MAPK8: variants seen among roughly 807,000 people sequenced by gnomAD.
MAPK8 encodes mitogen-activated protein kinase 8.
Under a neutral mutation model 52.9 loss-of-function variants are expected in MAPK8, and 13 were observed. The observed-to-expected ratio is 0.25, with a 90% CI of 0.16 to 0.39. The LOEUF (loss-of-function observed/expected upper bound fraction) is 0.39. MAPK8 is among the 10% of genes least tolerant of loss of function. The probability of loss-of-function intolerance (pLI) is 1.00; values close to 1 mark genes in which losing one functional copy is unlikely to be tolerated. For synonymous variants in MAPK8, 191 were observed against 169.8 expected (o/e 1.12, Z -0.97); for missense variants, 300 against 519.2 (o/e 0.58, Z 4.10).
intron 1 of MAPK8, among the ~76,000 whole-genome samples, chr10:48,351,189 G>C (rs1846287390): frequency 6.6e-6 from 1 of 151,728 alleles, no homozygotes; most frequent in Non-Finnish European, 1.5e-5. Context: ...TGACCATACT[G>C]CTCTAAGTAA....
intron 1 of MAPK8, among the ~76,000 whole-genome samples, chr10:48,347,132 T>G (rs1845867929): frequency 6.6e-6 from 1 of 152,162 alleles, no homozygotes; most frequent in Admixed American, 6.5e-5. Context: ...CCACCGACCC[T>G]GTGGGGCTGG....
chr10:48,319,329 C>T (rs1396090945), intron 1 of MAPK8, among the ~76,000 whole-genome samples: 1 of 152,024 alleles, frequency 6.6e-6, no homozygotes, highest in Non-Finnish European at 1.5e-5. Flanking sequence ...ATAATGGAGC[C>T]ATCATCACAG....
chr10:48,344,195 GT>G (rs1845556633), intron 1 of MAPK8, among the ~76,000 whole-genome samples: 1 of 152,256 alleles, frequency 6.6e-6, no homozygotes, highest in African/African-American at 2.4e-5. Context: ...AGCAACGATA[GT>G]TGGTCACTTC....
intron 1 of MAPK8, among the ~76,000 whole-genome samples, chr10:48,320,240 T>TTC (rs1842873777): frequency 7.3e-6 from 1 of 137,018 alleles, no homozygotes; most frequent in South Asian, 2.4e-4. Context: ...TTTTTTTTTT[T>TTC]TTTAAATTAG....
intron 1 of MAPK8, among the ~76,000 whole-genome samples, chr10:48,360,644 C>T (rs1847433326): frequency 6.6e-6 from 1 of 152,102 alleles, no homozygotes; most frequent in African/African-American, 2.4e-5. Flanking sequence ...GAACTACAGC[C>T]ACACACACTC....
At chr10:48,401,885 A>G in intron 2 of MAPK8, 103 bp downstream of exon 2, 1 of 988,980 alleles carries the variant, frequency 1.0e-6, no homozygotes, top group Non-Finnish European at 1.4e-6. Flanking sequence ...GCTTTGAAAA[A>G]TTAAATTAAA....
At chr10:48,372,944 A>G (rs1239093172) in intron 1 of MAPK8, among the ~76,000 whole-genome samples, 1 of 152,148 alleles carries the variant, frequency 6.6e-6, no homozygotes, top group Non-Finnish European at 1.5e-5. Context: ...CCAATTCATC[A>G]AGGTTGAAAT....
intron 1 of MAPK8, among the ~76,000 whole-genome samples, chr10:48,355,206 C>G (rs1846758209): frequency 6.6e-6 from 1 of 152,064 alleles, no homozygotes; most frequent in Admixed American, 6.5e-5. Context: ...GTAGTTGAAA[C>G]TTTATTAAAA....
In MAPK8 at chr10:48,310,443, C is replaced by G. The variant is rs1274086576; in HGVS notation, c.-50+3622C>G. On this transcript the variant is annotated intron_variant, in intron 1 of 11. Transcript: ENST00000374189. ...TTCTTTAATATCCAGACTTAGAAAA[C>G]AAATGGAAGGCTTCACCATAAGCTA... is the stretch of plus-strand genomic sequence containing the variant. 2.6e-5 allele frequency among the ~76,000 whole-genome samples: 4 copies of G among 152,088 alleles called. No homozygotes were observed. The East Asian group carries it at 7.7e-4, about 29-fold the overall frequency.
intron 1 of MAPK8, among the ~76,000 whole-genome samples, chr10:48,367,785 T>C (rs1848192387): frequency 6.6e-6 from 1 of 152,190 alleles, no homozygotes; most frequent in Admixed American, 6.5e-5. Context: ...AAAGATACCA[T>C]TTCTTGGCCT....
At chr10:48,398,764 A>G (rs2042014242) in intron 1 of MAPK8, among the ~76,000 whole-genome samples, 1 of 152,216 alleles carries the variant, frequency 6.6e-6, no homozygotes, top group Non-Finnish European at 1.5e-5. Flanking sequence ...ACGCCAAACA[A>G]AAATTACATG....
At position 48,362,175 on chromosome 10, in the gene MAPK8, GT is replaced by G. The variant is rs1203337732; in HGVS notation, c.-49-39432del. 7.2e-5 allele frequency among the ~76,000 whole-genome samples: 11 copies of G among 152,246 alleles called. No homozygotes were observed. In the East Asian group the frequency reaches 2.1e-3, roughly 29 times the overall value. ...GGAATATTTTTCTTTGACAGTTGCT[GT>G]TTTTGCCTCTGTTCTTTCCTCTCAC... On this transcript the variant is annotated intron_variant, in intron 1 of 11. Coordinates refer to ENST00000374189, the MANE Select transcript of MAPK8 (RefSeq NM_001323329.2).
intron 1 of MAPK8, among the ~76,000 whole-genome samples, chr10:48,334,431 A>G (rs1844468266): frequency 6.6e-6 from 1 of 152,138 alleles, no homozygotes; most frequent in Non-Finnish European, 1.5e-5. Context: ...GATACGTCTC[A>G]GTCACACACA....
chr10:48,432,983 C>G (rs928212027), intron 11 of MAPK8, among the ~76,000 whole-genome samples: 2 of 152,136 alleles, frequency 1.3e-5, no homozygotes, highest in South Asian at 2.1e-4. Context: ...ACCATTTCCA[C>G]TTGATTTTTA....
At chr10:48,400,327 T>C (rs1431474873) in intron 1 of MAPK8, among the ~76,000 whole-genome samples, 2 of 152,230 alleles carry the variant, frequency 1.3e-5, no homozygotes, top group African/African-American at 2.4e-5. Context: ...CATTTGTTTC[T>C]AGTTTATTTG....
Position 48,333,604 on chromosome 10 carries a change from C to A in MAPK8, c.-50+26783C>A, listed in dbSNP as rs75861187. The stretch of plus-strand genomic sequence containing the variant: ...TTTAGCTCTTTCACTGCCTGAATTT[C>A]TTCTGAGGACCACTGCAAGTGATCA... On this transcript the variant is annotated intron_variant, in intron 1 of 11. Transcript: ENST00000374189. 2.1e-3 allele frequency among the ~76,000 whole-genome samples: 313 copies of A among 151,794 alleles called. 3 individuals are homozygous for A. The East Asian group carries it at 0.033, about 16-fold the overall frequency.
intron 1 of MAPK8, among the ~76,000 whole-genome samples, chr10:48,344,169 C>A (rs980768937): frequency 6.6e-6 from 1 of 152,168 alleles, no homozygotes; most frequent in Admixed American, 6.5e-5. Flanking sequence ...TATGGGTCCC[C>A]TCTGTAACCA....
At chr10:48,386,868 G>A (rs72794372) in intron 1 of MAPK8, among the ~76,000 whole-genome samples, 14,504 of 152,210 alleles carry the variant, frequency 0.095, 721 homozygotes, top group Non-Finnish European at 0.11. Flanking sequence ...TGGCTGTAAA[G>A]TCTTGAGATC....
intron 1 of MAPK8, among the ~76,000 whole-genome samples, chr10:48,385,145 C>T (rs1477430754): frequency 6.6e-6 from 1 of 152,134 alleles, no homozygotes; most frequent in Non-Finnish European, 1.5e-5. Context: ...TAGTCTAGAG[C>T]TTCCATAGCA....
Sources: gnomAD v4.1 joint callset for allele counts (sites outside exome capture counted in the v4.1 genomes callset) on GRCh38, gnomAD v4.1.1 for gene constraint, MANE v1.5 for transcripts, NCBI Gene and HGNC (gene_info 2026-07-23, HGNC 2026-07-21) for gene names.